Variants in EPS15 observed in about 807,000 individuals in gnomAD.
EPS15 encodes epidermal growth factor receptor pathway substrate 15, also known as epidermal growth factor receptor substrate 15.
Under a neutral mutation model 113.8 loss-of-function variants are expected in EPS15, and 72 were observed. The observed-to-expected ratio is 0.63, with a 90% confidence interval of 0.52 to 0.77. The LOEUF (loss-of-function observed/expected upper bound fraction) is 0.77. EPS15 is among the 30% of genes least tolerant of loss of function. The pLI is 0.00. For missense variants in EPS15, 1,048 were observed against 1,045.8 expected (o/e 1.00, Z -0.03); for synonymous variants, 344 against 363.4 (o/e 0.95, Z 0.61).
At chr1:51,391,321 G>C (rs892199193) in intron 21 of EPS15, among the ~76,000 whole-genome samples, 2 of 152,036 alleles carry the variant, frequency 1.3e-5, no homozygotes, top group East Asian at 1.9e-4. Flanking sequence ...TCGTGGGTTG[G>C]GGGGAAGGGG....
chr1:51,438,422 TAACA>T (rs931468235), intron 12 of EPS15, among the ~76,000 whole-genome samples: 34 of 152,316 alleles, frequency 2.2e-4, no homozygotes, highest in Admixed American at 5.9e-4. Context: ...GACCAAAATG[TAACA>T]AATAATGTTT....
At chr1:51,364,603 T>C (rs1330853581) in intron 22 of EPS15, among the ~76,000 whole-genome samples, 4 of 152,012 alleles carry the variant, frequency 2.6e-5, no homozygotes, top group Admixed American at 2.6e-4. Flanking sequence ...CTAGGGATCC[T>C]CCTGCCTCAG....
chr1:51,460,961 A>G (rs779845407), intron 8 of EPS15, 130 bp downstream of exon 8: 4 of 550,160 alleles, frequency 7.3e-6, no homozygotes, highest in Non-Finnish European at 1.3e-5. Context: ...CTCAAAAAGA[A>G]AAAAAAAAAA....
At chr1:51,451,662 A>C (rs1653580057) in intron 8 of EPS15, among the ~76,000 whole-genome samples, 1 of 151,706 alleles carries the variant, frequency 6.6e-6, no homozygotes, top group South Asian at 2.1e-4. Context: ...TTCTTGAACC[A>C]TGACAAGTAT....
intron 20 of EPS15, among the ~76,000 whole-genome samples, chr1:51,395,982 G>A (rs1237991741): frequency 6.6e-6 from 1 of 152,194 alleles, no homozygotes; most frequent in Non-Finnish European, 1.5e-5. Context: ...TAATTGTAGA[G>A]AAAGGTAATG....
At chr1:51,396,344 G>C (rs1647938524) in intron 20 of EPS15, among the ~76,000 whole-genome samples, 1 of 152,142 alleles carries the variant, frequency 6.6e-6, no homozygotes, top group African/African-American at 2.4e-5. Flanking sequence ...AAGTATTTTG[G>C]ATGTTGGGTT....
intron 1 of EPS15, among the ~76,000 whole-genome samples, chr1:51,481,647 G>A (rs1644022449): frequency 6.6e-6 from 1 of 152,136 alleles, no homozygotes; most frequent in African/African-American, 2.4e-5. Flanking sequence ...CCAGTTGAGA[G>A]GCCCAAATCC....
At chr1:51,375,462 A>G (rs2148369773) in intron 21 of EPS15, among the ~76,000 whole-genome samples, 1 of 152,322 alleles carries the variant, frequency 6.6e-6, no homozygotes, top group Middle Eastern at 3.4e-3. Flanking sequence ...TGCCTGGTGG[A>G]ATTCTACCTA....
At chr1:51,503,150 TA>T (rs1390015210) in intron 1 of EPS15, among the ~76,000 whole-genome samples, 2 of 151,862 alleles carry the variant, frequency 1.3e-5, no homozygotes, top group Non-Finnish European at 2.9e-5. Flanking sequence ...AAGTTAAAAA[TA>T]AAAAGGAAAA....
At chr1:51,502,677 C>T (rs534414867) in intron 1 of EPS15, among the ~76,000 whole-genome samples, 114 of 152,080 alleles carry the variant, frequency 7.5e-4, no homozygotes, top group Non-Finnish European at 1.5e-3. Context: ...TGTTTTTATA[C>T]ACTTCCAACG....
chr1:51,467,870 C>T (rs766088362), intron 5 of EPS15, among the ~76,000 whole-genome samples: 2 of 152,080 alleles, frequency 1.3e-5, no homozygotes, highest in Non-Finnish European at 2.9e-5. Context: ...AAATTGTCTT[C>T]CATGAAACCG....
intron 1 of EPS15, among the ~76,000 whole-genome samples, chr1:51,492,953 C>T (rs966969422): frequency 4.6e-5 from 7 of 152,270 alleles, no homozygotes; most frequent in East Asian, 3.9e-4. Flanking sequence ...AACAGCCGGG[C>T]GCGGTGGCTC....
chr1:51,356,555 A>G lies in EPS15; in HGVS notation c.*145T>C. On this transcript the variant is annotated 3_prime_UTR_variant, in exon 25 of 25. Transcript: ENST00000371733. ...GACGAATCTGTAATGAAGAAAAAAAAAAAATCCTAAAATTTTGTCACATTT... is the reference window on the plus strand; with the variant it reads ...GACGAATCTGTAATGAAGAAAAAAAGAAAATCCTAAAATTTTGTCACATTT... 1.5e-6 allele frequency: 1 copy of G among 671,552 alleles called. No homozygotes were observed. The highest frequency in any genetic ancestry group is 2.3e-6 in the Non-Finnish European group (1 of 435,168). 41.6% of individuals were successfully genotyped at this position (671,552 alleles called of 1,614,324 possible). A position where few individuals can be genotyped will look rare whatever the true frequency, so the allele number is the denominator to read the frequency against.
chr1:51,457,056 C>T (rs566918981), intron 8 of EPS15, among the ~76,000 whole-genome samples: 8 of 151,926 alleles, frequency 5.3e-5, no homozygotes, highest in African/African-American at 7.3e-5. Flanking sequence ...GAGGCCGAGG[C>T]GGGCAGATCA....
chr1:51,506,520 G>A (rs1324651419), intron 1 of EPS15, among the ~76,000 whole-genome samples: 1 of 151,938 alleles, frequency 6.6e-6, no homozygotes, highest in Non-Finnish European at 1.5e-5. Flanking sequence ...TTTTTTTGGT[G>A]AATTTTACAG....
intron 21 of EPS15, among the ~76,000 whole-genome samples, chr1:51,383,470 T>C (rs918418528): frequency 1.3e-5 from 2 of 152,232 alleles, no homozygotes; most frequent in Non-Finnish European, 2.9e-5. Context: ...AGGATGAAAC[T>C]GTTCCACCTC....
intron 1 of EPS15, among the ~76,000 whole-genome samples, chr1:51,483,304 TTTG>T (rs1644054982): frequency 6.6e-6 from 1 of 152,186 alleles, no homozygotes; most frequent in Non-Finnish European, 1.5e-5. Context: ...CACTATTAGT[TTTG>T]TTGTTAATCT....
intron 8 of EPS15, 28 bp from the exon 9 acceptor site, chr1:51,448,163 T>G (rs775190221): frequency 6.9e-7 from 1 of 1,453,930 alleles, no homozygotes; most frequent in South Asian, 1.2e-5. Flanking sequence ...CAGGGTCATA[T>G]ATATTAAAAG....
rs1344255992 is a variant in EPS15 at position 51,491,974 on chromosome 1, CT to C, written c.34-10661del. Among the ~76,000 whole-genome samples the C allele has an allele frequency of 1.0e-4, 15 of 149,404 alleles. No individual in the cohort carries two copies. In the Admixed American group the frequency reaches 1.0e-3, roughly 10 times the overall value. On this transcript the variant is annotated intron_variant, in intron 1 of 24. Coordinates refer to ENST00000371733, the MANE Select transcript of EPS15 (RefSeq NM_001981.3). ...CTCCACCTCCGGGGCTCAAGTGATT[CT>C]TCCCTCAGCCTCCTAAGCAGATGGG... is the stretch of plus-strand genomic sequence containing the variant.
Sources: gnomAD v4.1 joint callset for allele counts (sites outside exome capture counted in the v4.1 genomes callset) on GRCh38, gnomAD v4.1.1 for gene constraint, MANE v1.5 for transcripts, NCBI Gene and HGNC (gene_info 2026-07-23, HGNC 2026-07-21) for gene names.